The following SLC5A8 variants were observed in gnomAD, a reference collection of about 807,000 sequenced individuals.
SLC5A8 encodes the protein sodium-coupled monocarboxylate transporter 1.
Under a neutral mutation model 71.9 loss-of-function variants are expected in SLC5A8, and 55 were observed. The observed-to-expected ratio is 0.77, with a 90% CI of 0.62 to 0.96. The LOEUF is 0.96. SLC5A8 is among the 40% of genes least tolerant of loss of function. The pLI is 0.00. For missense variants in SLC5A8, 701 were observed against 745.3 expected (o/e 0.94, Z 0.69); for synonymous variants, 307 against 276.1 (o/e 1.11, Z -1.11).
chr12:101,157,110 TTAA>T lies in SLC5A8; in HGVS notation c.*166_*168del. 1.6e-6 allele frequency: 1 copy of T among 636,986 alleles called. No individual in the cohort carries two copies. The allele number at this position is 636,986 out of a possible 1,614,324, so 39.5% of individuals were successfully genotyped here. On this transcript the variant is annotated 3_prime_UTR_variant, in exon 15 of 15. Coordinates refer to ENST00000536262, the MANE Select transcript of SLC5A8 (RefSeq NM_145913.5). ...ATTCTAAACTCCAGAGTAACATCAA[TTAA>T]TGATGTAGTAAATGAAGATAGTCCA...
At position 101,177,620 on chromosome 12, in the gene SLC5A8, C is replaced by T. The variant is rs1002749079; in HGVS notation, c.1233+2409G>A. ...ACCATGACCAAACAAGGTTTATTCC[C>T]GGTATGCAAGGCTGGTTCTGCATTA... is the stretch of plus-strand genomic sequence containing the variant. On this transcript the variant is annotated intron_variant, in intron 10 of 14. Transcript: ENST00000536262. Among the ~76,000 whole-genome samples, 7 of 152,000 alleles carry T rather than the reference C, an allele frequency of 4.6e-5. No homozygotes were observed. The East Asian group carries it at 5.8e-4, about 13-fold the overall frequency.
chr12:101,206,698 T>C (rs895662542), intron 1 of SLC5A8, among the ~76,000 whole-genome samples: 3 of 152,246 alleles, frequency 2.0e-5, no homozygotes, highest in African/African-American at 7.2e-5. Flanking sequence ...AGATCTCTCG[T>C]GGTCCTCAGA....
intron 10 of SLC5A8, among the ~76,000 whole-genome samples, chr12:101,170,404 ACT>A (rs2051817848): frequency 6.6e-6 from 1 of 152,100 alleles, no homozygotes. Flanking sequence ...ACATAAGAAG[ACT>A]CTGAAAGGTG....
chr12:101,195,777 A>T (rs553988363), intron 3 of SLC5A8, among the ~76,000 whole-genome samples: 2 of 144,498 alleles, frequency 1.4e-5, no homozygotes, highest in Non-Finnish European at 3.0e-5. Context: ...GCTCACTGCA[A>T]TCTCCACCTC....
At chr12:101,182,614 T>C (rs951724290) in intron 9 of SLC5A8, among the ~76,000 whole-genome samples, 189 bp downstream of exon 9, 1 of 152,214 alleles carries the variant, frequency 6.6e-6, no homozygotes, top group African/African-American at 2.4e-5. Flanking sequence ...AAATCTTGAT[T>C]ACAGATATGG....
chr12:101,186,004 G>A (rs557012134), intron 7 of SLC5A8, among the ~76,000 whole-genome samples: 13 of 151,844 alleles, frequency 8.6e-5, no homozygotes, highest in African/African-American at 2.7e-4. Flanking sequence ...AAATCTTCAC[G>A]GACTCTCTAA....
At chr12:101,190,931 G>A (rs1342447510) in intron 5 of SLC5A8, among the ~76,000 whole-genome samples, 1 of 152,100 alleles carries the variant, frequency 6.6e-6, no homozygotes, top group Non-Finnish European at 1.5e-5. Flanking sequence ...GATATAATCA[G>A]AGAAGAACAT....
chr12:101,209,485 C>T lies in SLC5A8; in HGVS notation c.351+13G>A, dbSNP rs1166183743. ...CCGCGCCCTGCATGGTCCCAGCCCA[C>T]CCTGCCCCTTACCTCGTAGGTGCTG... On this transcript the variant is annotated intron_variant, in intron 1 of 14. Transcript: ENST00000536262. 6.6e-7 allele frequency: 1 copy of T among 1,514,044 alleles called. No individual in the cohort carries two copies. The highest frequency in any genetic ancestry group is 9.0e-7 in the Non-Finnish European group (1 of 1,108,640). 93.8% of individuals were successfully genotyped at this position (1,514,044 alleles called of 1,614,324 possible). A position where few individuals can be genotyped will look rare whatever the true frequency, so the allele number is the denominator to read the frequency against.
intron 7 of SLC5A8, among the ~76,000 whole-genome samples, chr12:101,185,216 T>C (rs1011034088): frequency 6.6e-6 from 1 of 152,240 alleles, no homozygotes; most frequent in African/African-American, 2.4e-5. Flanking sequence ...TTACTCAATC[T>C]TTATTCTCAG....
rs368584762 is a variant in SLC5A8 at position 101,157,259 on chromosome 12, T to C, written c.*20A>G. The C allele has an allele frequency of 1.7e-4, 271 of 1,605,524 alleles. No individual in the cohort carries two copies. The African/African-American group carries it at 2.7e-3, about 16-fold the overall frequency. On this transcript the variant is annotated 3_prime_UTR_variant, in exon 15 of 15. Coordinates refer to ENST00000536262, the MANE Select transcript of SLC5A8 (RefSeq NM_145913.5). ...ATAAAATTGAAACATCATTTAAGGATATCTAGTATCAGAGCAGCTTCACAA... is the reference window on the plus strand; with the variant it reads ...ATAAAATTGAAACATCATTTAAGGACATCTAGTATCAGAGCAGCTTCACAA...
At chr12:101,164,053 G>A (rs11110690) in intron 12 of SLC5A8, among the ~76,000 whole-genome samples, 2 of 152,108 alleles carry the variant, frequency 1.3e-5, no homozygotes, top group Non-Finnish European at 2.9e-5. Flanking sequence ...TTGCAGGGTA[G>A]ACAAGGATTT....
At chr12:101,176,031 T>C (rs1049893166) in intron 10 of SLC5A8, among the ~76,000 whole-genome samples, 2 of 152,016 alleles carry the variant, frequency 1.3e-5, no homozygotes, top group African/African-American at 4.8e-5. Context: ...ATGGTCTAAG[T>C]ACACCAATGA....
intron 10 of SLC5A8, among the ~76,000 whole-genome samples, chr12:101,174,524 C>A (rs2051861240): frequency 6.6e-6 from 1 of 152,160 alleles, no homozygotes; most frequent in Admixed American, 6.5e-5. Flanking sequence ...CTGTTTCTTT[C>A]ATAAAGGGTA....
At position 101,190,538 on chromosome 12, in the gene SLC5A8, T is replaced by C. The variant is rs138334259; in HGVS notation, c.763A>G (p.Ser255Gly). 62 of 1,613,296 alleles carry C rather than the reference T, an allele frequency of 3.8e-5. No individual in the cohort carries two copies. In the African/African-American group the frequency reaches 7.6e-4, roughly 20 times the overall value. The change falls in exon 6 of 15, where the codon AGC (serine) becomes GGC (glycine). Residue 255 changes from serine to glycine, a missense_variant. Ser to Gly is a moderately conservative substitution (Grantham distance 56). Coordinates refer to ENST00000536262, the MANE Select transcript of SLC5A8 (RefSeq NM_145913.5). ...TGGGATTGGTTGACACCGTAGATGC[T>C]GGTCCATGTGAAGGTCCCTCCTATA... Reference protein sequence around the residue: ...IIIGGTFTWTSIYGVNQSQVQ... With the variant: ...IIIGGTFTWTGIYGVNQSQVQ...
At chr12:101,194,868 C>T (rs1293272666) in intron 4 of SLC5A8, among the ~76,000 whole-genome samples, 2 of 152,090 alleles carry the variant, frequency 1.3e-5, no homozygotes, top group Non-Finnish European at 2.9e-5. Context: ...AGATTAGGAA[C>T]CATTGCAATG....
chr12:101,198,527 T>C (rs761160885), intron 3 of SLC5A8, among the ~76,000 whole-genome samples: 3 of 151,922 alleles, frequency 2.0e-5, no homozygotes, highest in African/African-American at 7.2e-5. Context: ...ATGAATTTGA[T>C]AAGTTAGACC....
At chr12:101,166,897 A>G (rs1183932674) in intron 11 of SLC5A8, among the ~76,000 whole-genome samples, 198 bp from the exon 12 acceptor site, 1 of 152,152 alleles carries the variant, frequency 6.6e-6, no homozygotes, top group African/African-American at 2.4e-5. Flanking sequence ...TAAATGAATG[A>G]AAGGTATTGA....
chr12:101,195,049 C>T, intron 4 of SLC5A8, 46 bp downstream of exon 4: 1 of 1,599,962 alleles, frequency 6.3e-7, no homozygotes, highest in Non-Finnish European at 8.5e-7. Context: ...TTCAATTTTG[C>T]AAAGCAAGTG....
At chr12:101,178,327 A>C (rs2051900077) in intron 10 of SLC5A8, among the ~76,000 whole-genome samples, 1 of 152,176 alleles carries the variant, frequency 6.6e-6, no homozygotes, top group Non-Finnish European at 1.5e-5. Flanking sequence ...GAAAGGCAAA[A>C]GAACTAGAAT....
Sources: allele counts gnomAD v4.1 joint callset (sites outside exome capture counted in the v4.1 genomes callset), GRCh38; gene constraint gnomAD v4.1.1; transcripts MANE v1.5; gene names NCBI Gene and HGNC (gene_info 2026-07-23, HGNC 2026-07-21).